The following ECHDC2 variants were observed in gnomAD, a reference collection of about 807,000 sequenced individuals.
ECHDC2 encodes the protein enoyl-CoA hydratase domain-containing protein 2, mitochondrial.
A neutral mutation model predicts 40.6 loss-of-function variants in ECHDC2; 34 were observed. The ratio of observed to expected loss-of-function variants is 0.84; its 90% CI spans 0.64 to 1.11. The LOEUF is 1.11. ECHDC2 is among the 50% of genes most tolerant of loss of function. The pLI, the probability that ECHDC2 is intolerant of heterozygous loss-of-function variation, is 0.00. For synonymous variants in ECHDC2, 162 were observed against 166.6 expected, an observed-to-expected ratio of 0.97 and a Z score of 0.21; for missense variants, 392 against 400.7, an observed-to-expected ratio of 0.98 and a Z score of 0.19.
chr1:52,915,165 C>T (rs898281991), intron 1 of ECHDC2: 35 of 454,702 alleles, frequency 7.7e-5, no homozygotes, highest in African/African-American at 1.8e-4. Context: ...TCTCCTCCTA[C>T]GAAAAATCAG....
intron 4 of ECHDC2, 55 bp downstream of exon 4, chr1:52,907,813 T>G (rs957453882): frequency 6.8e-7 from 1 of 1,464,758 alleles, no homozygotes; most frequent in Non-Finnish European, 9.5e-7. Context: ...GTAGCGGGAC[T>G]GTCATCGGCA....
At chr1:52,898,897 C>A in intron 8 of ECHDC2, 1 of 518,888 alleles carries the variant, frequency 1.9e-6, no homozygotes, top group Non-Finnish European at 3.5e-6. Context: ...TTTCTACTCA[C>A]TTCCTCTGAG....
At chr1:52,915,968 CA>C (rs1250151077) in intron 1 of ECHDC2, among the ~76,000 whole-genome samples, 2 of 152,206 alleles carry the variant, frequency 1.3e-5, no homozygotes, top group Non-Finnish European at 2.9e-5. Flanking sequence ...GGCCAACAAT[CA>C]GCAAGAGAAC....
chr1:52,906,941 A>ATTTTTTTT (rs532560153), intron 4 of ECHDC2: 1 of 107,088 alleles, frequency 9.3e-6, no homozygotes. Flanking sequence ...ATTTTTTTGT[A>ATTTTTTTT]TTTTTTTTTT....
At position 52,896,450 on chromosome 1, in the gene ECHDC2, G is replaced by T; in HGVS notation, c.*70C>A. On this transcript the variant is annotated 3_prime_UTR_variant, in exon 10 of 10. Transcript: ENST00000371522. ...GAGGTGAAATGATGAAGGCAATCTG[G>T]CCACAAATCTTCCTTCTGGATCCTG... The T allele has an allele frequency of 2.4e-6, 3 of 1,235,898 alleles. No individual in the cohort carries two copies. Among genetic ancestry groups the T allele is most frequent in the Non-Finnish European group, 3.6e-6 (3 of 835,200 alleles). The allele number at this position is 1,235,898 out of a possible 1,614,324, so 76.6% of individuals were successfully genotyped here. A position where few individuals can be genotyped will look rare whatever the true frequency, so the allele number is the denominator to read the frequency against.
At chr1:52,897,705 C>T in intron 8 of ECHDC2, 1 of 605,556 alleles carries the variant, frequency 1.7e-6, no homozygotes, top group South Asian at 1.9e-5. Flanking sequence ...AGTTCTCCTT[C>T]CCATCCGGCT....
At chr1:52,897,371 A>G in intron 9 of ECHDC2, 66 bp downstream of exon 9, 1 of 1,536,674 alleles carries the variant, frequency 6.5e-7, no homozygotes, top group Non-Finnish European at 9.0e-7. Flanking sequence ...GTCATGTACC[A>G]TACAAAGTCC....
At chr1:52,906,676 TG>T in intron 4 of ECHDC2, 65 bp from the exon 5 acceptor site, 1 of 1,376,722 alleles carries the variant, frequency 7.3e-7, no homozygotes, top group Admixed American at 2.3e-5. Context: ...GACTCAAGGC[TG>T]GGGAGGGGCA....
intron 1 of ECHDC2, among the ~76,000 whole-genome samples, chr1:52,917,341 C>T (rs1650937738): frequency 6.6e-6 from 1 of 152,046 alleles, no homozygotes; most frequent in African/African-American, 2.4e-5. Context: ...GCTCAAATAA[C>T]AGCTGGACCC....
chr1:52,900,010 G>GAAAA (rs1415522590), intron 7 of ECHDC2: 1 of 151,562 alleles, frequency 6.6e-6, no homozygotes, highest in Non-Finnish European at 1.5e-5. Flanking sequence ...AAAAAACTGG[G>GAAAA]AAAAAGAATT....
chr1:52,914,000 G>C (rs1263329664), intron 1 of ECHDC2: 2 of 1,221,284 alleles, frequency 1.6e-6, no homozygotes, highest in Non-Finnish European at 2.1e-6. Flanking sequence ...TCACTCATTT[G>C]TACATTTATA....
intron 3 of ECHDC2, among the ~76,000 whole-genome samples, chr1:52,910,695 A>G (rs1649257764): frequency 6.6e-6 from 1 of 152,144 alleles, no homozygotes; most frequent in Non-Finnish European, 1.5e-5. Flanking sequence ...TGTAAGTAAT[A>G]AGAAAATTAA....
chr1:52,909,564 T>A (rs564265562), intron 3 of ECHDC2, among the ~76,000 whole-genome samples: 8 of 149,772 alleles, frequency 5.3e-5, no homozygotes, highest in Middle Eastern at 3.4e-3. Context: ...AATCTTATAA[T>A]GTCTTAAGAA....
intron 4 of ECHDC2, chr1:52,906,951 T>G (rs1003674723): frequency 6.3e-6 from 1 of 158,806 alleles, no homozygotes; most frequent in African/African-American, 2.4e-5. Flanking sequence ...ATTTTTTTTT[T>G]TTTTTTTTTA....
rs549983666 is a variant in ECHDC2 at position 52,920,754 on chromosome 1, AAAG to A, written c.121+796_121+798del. Among the ~76,000 whole-genome samples, 33 of 152,296 alleles carry A rather than the reference AAAG, an allele frequency of 2.2e-4. 1 individual carries two copies. Among genetic ancestry groups the A allele is most frequent in the South Asian group, 8.3e-4 (4 of 4,826 alleles). Reference sequence around the variant, plus strand: ...AGAATAAACTTTTGTTAAAAAAAAAAAAGAAGCAATACAACGAAATGTACAGTA... The same window carrying A: ...AGAATAAACTTTTGTTAAAAAAAAAAAAGCAATACAACGAAATGTACAGTA... On this transcript the variant is annotated intron_variant, in intron 1 of 9. Transcript: ENST00000371522.
At chr1:52,917,703 T>A (rs557748296) in intron 1 of ECHDC2, 1 of 453,770 alleles carries the variant, frequency 2.2e-6, no homozygotes, top group East Asian at 7.0e-5. Flanking sequence ...ATATAAGACA[T>A]ATAAGTCCCA....
intron 8 of ECHDC2, 96 bp from the exon 9 acceptor site, chr1:52,897,580 G>A (rs1646718110): frequency 6.1e-6 from 7 of 1,157,006 alleles, no homozygotes; most frequent in Non-Finnish European, 9.2e-6. Flanking sequence ...ACATCTATAT[G>A]AGCAGAGATA....
intron 3 of ECHDC2, among the ~76,000 whole-genome samples, chr1:52,911,248 A>G (rs1649413683): frequency 6.6e-6 from 1 of 152,166 alleles, no homozygotes; most frequent in Non-Finnish European, 1.5e-5. Context: ...AAGTGCTGGA[A>G]TTACAGATGT....
At position 52,899,118 on chromosome 1, in the gene ECHDC2, T is replaced by C. The variant is rs116587359; in HGVS notation, c.753+56A>G. On this transcript the variant is annotated intron_variant, in intron 8 of 9. Transcript: ENST00000371522. ...TGCTGTCTGAGCTCTGAAAGCACTGTGTCCCAGCCGCGACCAACTTTAGTG... is the reference window on the plus strand; with the variant it reads ...TGCTGTCTGAGCTCTGAAAGCACTGCGTCCCAGCCGCGACCAACTTTAGTG... 1.5e-3 allele frequency: 2,311 copies of C among 1,571,426 alleles called. 29 individuals carry two copies. The African/African-American group carries it at 0.027, about 18-fold the overall frequency.
Sources: gnomAD v4.1 joint callset for allele counts (sites outside exome capture counted in the v4.1 genomes callset) on GRCh38, gnomAD v4.1.1 for gene constraint, MANE v1.5 for transcripts, NCBI Gene and HGNC (gene_info 2026-07-23, HGNC 2026-07-21) for gene names.